EZR: variants seen among roughly 807,000 people sequenced by gnomAD.
The protein encoded by EZR is ezrin.
Under a neutral mutation model 74.8 loss-of-function variants are expected in EZR, and 40 were observed. The ratio of observed to expected loss-of-function variants is 0.53; its 90% CI spans 0.42 to 0.70. The LOEUF (loss-of-function observed/expected upper bound fraction) is 0.70. Ranked by LOEUF, EZR falls within the 30% of genes least tolerant of loss-of-function variation. The pLI, the probability that EZR is intolerant of heterozygous loss-of-function variation, is 0.00. For missense variants in EZR, 678 were observed against 755.8 expected, an observed-to-expected ratio of 0.90 and a Z score of 1.21; for synonymous variants, 341 against 283.3, an observed-to-expected ratio of 1.20 and a Z score of -2.05.
At chr6:158,807,640 CAA>C (rs1218279780) in intron 2 of EZR, among the ~76,000 whole-genome samples, 1 of 152,146 alleles carries the variant, frequency 6.6e-6, no homozygotes, top group Non-Finnish European at 1.5e-5. Flanking sequence ...TTTAACGCTT[CAA>C]AGAGTCAGTA....
At chr6:158,810,670 T>C (rs1009979497) in intron 2 of EZR, among the ~76,000 whole-genome samples, 3 of 152,196 alleles carry the variant, frequency 2.0e-5, no homozygotes, top group Non-Finnish European at 4.4e-5. Flanking sequence ...TAACCCAAAC[T>C]GTTCATATTG....
chr6:158,787,269 C>T, intron 3 of EZR, 66 bp from the exon 4 acceptor site: 1 of 1,364,946 alleles, frequency 7.3e-7, no homozygotes, highest in Non-Finnish European at 1.0e-6. Flanking sequence ...CAGCTTTTGG[C>T]TGTCGTTCAT....
intron 4 of EZR, 113 bp from the exon 5 acceptor site, chr6:158,785,696 A>G: frequency 7.5e-7 from 1 of 1,325,242 alleles, no homozygotes; most frequent in Non-Finnish European, 1.0e-6. Flanking sequence ...TTTTCAGGAG[A>G]TATTTATTCT....
chr6:158,802,457 C>G lies in EZR; in HGVS notation c.13-13086G>C, dbSNP rs150488773. On this transcript the variant is annotated intron_variant, in intron 2 of 13. Coordinates refer to ENST00000367075, the MANE Select transcript of EZR (RefSeq NM_001111077.2). ...TCATTCACATCTAAATATTTACAAA[C>G]ACCTTATAGTTTAGTTCTTCTGGAA... Among the ~76,000 whole-genome samples the G allele has an allele frequency of 1.6e-3, 249 of 152,320 alleles. 1 individual carries two copies. The highest frequency in any genetic ancestry group is 5.7e-3 in the African/African-American group (235 of 41,570).
chr6:158,799,241 A>G (rs190932015), intron 2 of EZR, among the ~76,000 whole-genome samples: 1 of 152,268 alleles, frequency 6.6e-6, no homozygotes, highest in East Asian at 1.9e-4. Context: ...GGGGCTTGTT[A>G]AAACAGTTTC....
At chr6:158,768,266 C>T (rs1790974604) in intron 12 of EZR, among the ~76,000 whole-genome samples, 1 of 152,026 alleles carries the variant, frequency 6.6e-6, no homozygotes, top group Non-Finnish European at 1.5e-5. Flanking sequence ...TAAGAGGTGC[C>T]TGCTTCCCCT....
Position 158,769,952 on chromosome 6 carries a change from GAC to G in EZR, c.1091-10_1091-9del, listed in dbSNP as rs1393742192. On this transcript the variant is annotated splice_polypyrimidine_tract_variant and intron_variant, in intron 10 of 13. Transcript: ENST00000367075. ...GAATCTGCTCCGAGAGCTCTGCAAA[GAC>G]ACAAAGCCAGAGCCATTCAAACCCT... 6.2e-7 allele frequency: 1 copy of G among 1,608,454 alleles called. No individual in the cohort carries two copies.
chr6:158,767,098 T>TG lies in EZR; in HGVS notation c.1597-21dup. 1 of 1,613,646 alleles carries TG rather than the reference T, an allele frequency of 6.2e-7. No individual in the cohort carries two copies. On this transcript the variant is annotated intron_variant, in intron 13 of 13. Coordinates refer to ENST00000367075, the MANE Select transcript of EZR (RefSeq NM_001111077.2). The stretch of plus-strand genomic sequence containing the variant: ...CAGCGTCTGTAACATTAAGCAGCAT[T>TG]GGTCTAGTCCCTTCCTCCCCATATG...
At chr6:158,795,335 G>A (rs1777044697) in intron 2 of EZR, among the ~76,000 whole-genome samples, 1 of 152,064 alleles carries the variant, frequency 6.6e-6, no homozygotes, top group Non-Finnish European at 1.5e-5. Context: ...GGACTTTGGG[G>A]AGCCAAGGCA....
chr6:158,785,257 T>G, intron 5 of EZR, 52 bp downstream of exon 5: 1 of 1,597,494 alleles, frequency 6.3e-7, no homozygotes, highest in Non-Finnish European at 8.6e-7. Flanking sequence ...CACTTCTCCC[T>G]GCCGAGGACG....
intron 8 of EZR, among the ~76,000 whole-genome samples, chr6:158,774,588 T>C (rs1161996945): frequency 3.3e-5 from 5 of 151,168 alleles, no homozygotes; most frequent in African/African-American, 1.2e-4. Context: ...TAAAGGCACA[T>C]GCACGAGATG....
chr6:158,809,721 C>G (rs980789701), intron 2 of EZR, among the ~76,000 whole-genome samples: 2 of 152,166 alleles, frequency 1.3e-5, no homozygotes, highest in Middle Eastern at 3.2e-3. Flanking sequence ...AGAATAAATG[C>G]TTAACAATAA....
intron 8 of EZR, among the ~76,000 whole-genome samples, chr6:158,772,356 A>G (rs1234932487): frequency 6.6e-6 from 1 of 152,242 alleles, no homozygotes; most frequent in African/African-American, 2.4e-5. Flanking sequence ...GCCTTCAACC[A>G]TAAGGCAGGG....
chr6:158,776,440 ACTTTTTGTCATTG>A lies in EZR; in HGVS notation c.750_762del (p.Asn251LeufsTer20). 1.2e-6 allele frequency: 2 copies of A among 1,613,954 alleles called. No individual in the cohort carries two copies. Among genetic ancestry groups the A allele is most frequent in the Non-Finnish European group, 1.7e-6 (2 of 1,179,952 alleles). On this transcript the variant is annotated frameshift_variant, in exon 8 of 14. Coordinates refer to ENST00000367075, the MANE Select transcript of EZR (RefSeq NM_001111077.2). LOFTEE classifies it high-confidence loss of function. ...TTCTTGTCGATGGGTTTAATGACAA[ACTTTTTGTCATTG>A]AAAGAGATGTTCCTGATTTCACTCC...
intron 2 of EZR, among the ~76,000 whole-genome samples, chr6:158,803,568 TATATATATATATAC>T (rs1777246343): frequency 1.3e-3 from 10 of 7,638 alleles, no homozygotes; most frequent in Non-Finnish European, 2.1e-3. Flanking sequence ...TATATATATA[TATATATATATATAC>T]ATATATATAT....
chr6:158,787,829 A>C (rs2128570970), intron 3 of EZR, among the ~76,000 whole-genome samples: 1 of 152,354 alleles, frequency 6.6e-6, no homozygotes, highest in South Asian at 2.1e-4. Flanking sequence ...CAGAAATGGG[A>C]CATTCTGATA....
intron 2 of EZR, among the ~76,000 whole-genome samples, chr6:158,802,414 T>TTTA (rs139797764): frequency 1.3e-5 from 2 of 151,924 alleles, no homozygotes; most frequent in African/African-American, 4.8e-5. Context: ...TTATGATTTT[T>TTTA]TGATGCGTTG....
At chr6:158,817,198 T>C (rs1198276333) in intron 2 of EZR, among the ~76,000 whole-genome samples, 2 of 152,242 alleles carry the variant, frequency 1.3e-5, no homozygotes, top group Admixed American at 1.3e-4. Flanking sequence ...TCCTGATATT[T>C]TGTCCATTGT....
intron 2 of EZR, among the ~76,000 whole-genome samples, chr6:158,804,622 TA>T (rs778624616): frequency 3.3e-5 from 5 of 152,200 alleles, no homozygotes; most frequent in Non-Finnish European, 7.3e-5. Context: ...TGGCTTATTA[TA>T]TGCTAGAGTC....
Sources: gnomAD v4.1 joint callset for allele counts (sites outside exome capture counted in the v4.1 genomes callset) on GRCh38, gnomAD v4.1.1 for gene constraint, MANE v1.5 for transcripts, NCBI Gene and HGNC (gene_info 2026-07-23, HGNC 2026-07-21) for gene names.